Variants in PLSCR2 observed in about 807,000 individuals in gnomAD.
The protein encoded by PLSCR2 is PL scramblase 2.
In PLSCR2, 18 loss-of-function variants were observed where a neutral mutation model predicts 25.3. That is an observed-to-expected ratio of 0.71 (90% CI 0.49 to 1.06). The LOEUF is 1.06. PLSCR2 is among the 50% of genes least tolerant of loss of function. PLSCR2 has a pLI of 0.00. For synonymous variants in PLSCR2, 88 were observed against 87.3 expected, an observed-to-expected ratio of 1.01 and a Z score of -0.04; for missense variants, 243 against 269.5, an observed-to-expected ratio of 0.90 and a Z score of 0.69.
At chr3:146,429,463 G>A (rs1576605295), downstream of PLSCR2, among the ~76,000 whole-genome samples, 1 of 152,090 alleles carries the variant, frequency 6.6e-6, no homozygotes, top group Non-Finnish European at 1.5e-5. Context: ...GCTGCATTGT[G>A]TCCATGACCC....
At chr3:146,394,387 C>T (rs1279228754) in intron 3 of PLSCR2, among the ~76,000 whole-genome samples, 1 of 152,032 alleles carries the variant, frequency 6.6e-6, no homozygotes, top group African/African-American at 2.4e-5. Context: ...CCTGCCTCAG[C>T]CTCCCGAGTA....
intron 2 of PLSCR2, among the ~76,000 whole-genome samples, chr3:146,411,117 CA>C (rs1412633964): frequency 6.6e-6 from 1 of 151,566 alleles, no homozygotes; most frequent in Admixed American, 6.6e-5. Flanking sequence ...GAAACCTGAA[CA>C]AAAGAAGGAT....
downstream of PLSCR2, among the ~76,000 whole-genome samples, chr3:146,439,473 TC>T (rs1220448772): frequency 1.3e-5 from 2 of 152,198 alleles, no homozygotes; most frequent in Non-Finnish European, 2.9e-5. Context: ...TTTTTTCATT[TC>T]TTTTTGCTCT....
rs563013039 is a variant in PLSCR2 at position 146,453,991 on chromosome 3, A to T, written c.483+11T>A. ...AAAAGCAAATCCTATAAACATTATGACATCTCTTACCTCAAAATCAACACC... is the reference window on the plus strand; with the variant it reads ...AAAAGCAAATCCTATAAACATTATGTCATCTCTTACCTCAAAATCAACACC... On this transcript the variant is annotated intron_variant, in intron 5 of 6. Coordinates refer to ENST00000610787, the Ensembl canonical transcript of PLSCR2. 6.4e-6 allele frequency: 10 copies of T among 1,557,916 alleles called. No homozygotes were observed. The South Asian group carries it at 1.3e-4, about 19-fold the overall frequency.
At chr3:146,486,382 C>CT (rs1553793125) in intron 1 of PLSCR2, among the ~76,000 whole-genome samples, 1,988 of 144,880 alleles carry the variant, frequency 0.014, 39 homozygotes, top group African/African-American at 0.045. Context: ...AATCCAGGAG[C>CT]TTTTTTTTTT....
At chr3:146,409,575 T>C (rs182520072) in intron 2 of PLSCR2, among the ~76,000 whole-genome samples, 281 of 152,184 alleles carry the variant, frequency 1.8e-3, no homozygotes, top group African/African-American at 6.4e-3. Context: ...GCTTGAACTA[T>C]TGTAGGATTC....
upstream of PLSCR2, among the ~76,000 whole-genome samples, chr3:146,465,033 A>G (rs473517): frequency 0.58 from 87,703 of 151,960 alleles, 25,738 homozygotes; most frequent in South Asian, 0.76. Context: ...TTGTTTATTT[A>G]ACCTTCCAAG....
intron 1 of PLSCR2, among the ~76,000 whole-genome samples, chr3:146,483,509 A>ATATACATGTGTATAT (rs1553791539): frequency 7.9e-6 from 1 of 127,064 alleles, no homozygotes; most frequent in Non-Finnish European, 1.7e-5. Context: ...ATATATATAT[A>ATATACATGTGTATAT]ATGTTACTAC....
At chr3:146,439,664 A>C (rs2108221112), downstream of PLSCR2, among the ~76,000 whole-genome samples, 2 of 152,250 alleles carry the variant, frequency 1.3e-5, no homozygotes, top group Admixed American at 6.5e-5. Flanking sequence ...CTAGTTAGCC[A>C]TTCATCTAAT....
chr3:146,425,524 C>G (rs2039312582), intron 2 of PLSCR2, among the ~76,000 whole-genome samples: 1 of 152,090 alleles, frequency 6.6e-6, no homozygotes. Flanking sequence ...GCAACTGTAT[C>G]TGGAAGTGGG....
At chr3:146,457,277 A>G (rs1054444131) in intron 3 of PLSCR2, among the ~76,000 whole-genome samples, 1 of 152,282 alleles carries the variant, frequency 6.6e-6, no homozygotes, top group Non-Finnish European at 1.5e-5. Flanking sequence ...AGCAGTTTTT[A>G]TAATAAATAG....
chr3:146,408,937 G>A (rs2038749439), intron 2 of PLSCR2, among the ~76,000 whole-genome samples: 1 of 152,104 alleles, frequency 6.6e-6, no homozygotes, highest in South Asian at 2.1e-4. Flanking sequence ...TCCTCCTCCA[G>A]TCTATTGGCT....
intron 2 of PLSCR2, among the ~76,000 whole-genome samples, chr3:146,418,775 G>C (rs1449274995): frequency 6.6e-6 from 1 of 152,084 alleles, no homozygotes; most frequent in Non-Finnish European, 1.5e-5. Flanking sequence ...CAATTCTAGT[G>C]AATTTCTTTT....
intron 1 of PLSCR2, among the ~76,000 whole-genome samples, chr3:146,485,468 A>G (rs2043306319): frequency 6.6e-6 from 1 of 152,112 alleles, no homozygotes; most frequent in Non-Finnish European, 1.5e-5. Context: ...ATATCTACAG[A>G]ACTCTCCACC....
chr3:146,413,773 C>T (rs1348913950), intron 2 of PLSCR2, among the ~76,000 whole-genome samples: 1 of 152,154 alleles, frequency 6.6e-6, no homozygotes, highest in Non-Finnish European at 1.5e-5. Flanking sequence ...GGGTCCTCAC[C>T]AGAATCACCC....
chr3:146,471,190 T>C (rs1279896892), intron 1 of PLSCR2, among the ~76,000 whole-genome samples: 2 of 152,220 alleles, frequency 1.3e-5, no homozygotes, highest in Non-Finnish European at 2.9e-5. Flanking sequence ...TTCCAAGTTT[T>C]ATCAATTATA....
At chr3:146,400,921 T>C (rs1489862253) in intron 2 of PLSCR2, among the ~76,000 whole-genome samples, 1 of 151,862 alleles carries the variant, frequency 6.6e-6, no homozygotes, top group African/African-American at 2.4e-5. Flanking sequence ...AGAATAGTCT[T>C]TTACAAATCA....
At chr3:146,483,005 T>C (rs1183116803) in intron 1 of PLSCR2, among the ~76,000 whole-genome samples, 1 of 151,406 alleles carries the variant, frequency 6.6e-6, no homozygotes, top group Non-Finnish European at 1.5e-5. Flanking sequence ...GTGTTGGAAG[T>C]TCTGGCCAGG....
At chr3:146,434,526 A>G (rs1273533246) in intron 8 of PLSCR2, among the ~76,000 whole-genome samples, 1 of 151,908 alleles carries the variant, frequency 6.6e-6, no homozygotes, top group Non-Finnish European at 1.5e-5. Flanking sequence ...AAACATCTCT[A>G]TGTACTTATG....
Sources: gnomAD v4.1 joint callset for allele counts (sites outside exome capture counted in the v4.1 genomes callset) on GRCh38, gnomAD v4.1.1 for gene constraint, MANE v1.5 for transcripts, NCBI Gene and HGNC (gene_info 2026-07-23, HGNC 2026-07-21) for gene names.